The following ST8SIA4 variants were observed in gnomAD, a reference collection of about 807,000 sequenced individuals.
ST8SIA4 encodes the protein CMP-N-acetylneuraminate-poly-alpha-2,8-sialyltransferase.
A neutral mutation model predicts 33.9 loss-of-function variants in ST8SIA4; 15 were observed. The observed-to-expected ratio is 0.44, with a 90% CI of 0.30 to 0.68. ST8SIA4 has a LOEUF of 0.68. Among genes scored for constraint, ST8SIA4 ranks in the 30% least tolerant of loss-of-function variants. ST8SIA4 has a pLI of 0.10. For missense variants in ST8SIA4, 321 were observed against 428.0 expected (o/e 0.75, Z 2.21); for synonymous variants, 171 against 151.2 (o/e 1.13, Z -0.96).
intron 3 of ST8SIA4, among the ~76,000 whole-genome samples, chr5:100,866,025 C>T (rs543393031): frequency 6.6e-6 from 1 of 152,224 alleles, no homozygotes; most frequent in Admixed American, 6.5e-5. Context: ...AAGCTTGCCC[C>T]TTAAGCTTGA....
intron 4 of ST8SIA4, among the ~76,000 whole-genome samples, chr5:100,825,508 T>TAA (rs1751122108): frequency 6.6e-6 from 1 of 152,208 alleles, no homozygotes; most frequent in Admixed American, 6.5e-5. Flanking sequence ...AAGTGTTCAA[T>TAA]AATTAAGATT....
intron 2 of ST8SIA4, among the ~76,000 whole-genome samples, chr5:100,892,789 A>C (rs1752701750): frequency 6.6e-6 from 1 of 152,126 alleles, no homozygotes; most frequent in African/African-American, 2.4e-5. Flanking sequence ...TTGAACAATG[A>C]GAACACATGG....
intron 1 of ST8SIA4, chr5:100,900,575 TC>T (rs1349207961): frequency 1.8e-5 from 8 of 447,124 alleles, no homozygotes; most frequent in African/African-American, 1.6e-4. Flanking sequence ...CTCGCATTGT[TC>T]CTGGCAGCTC....
At chr5:100,869,546 A>T (rs1301050343) in intron 3 of ST8SIA4, among the ~76,000 whole-genome samples, 1 of 152,002 alleles carries the variant, frequency 6.6e-6, no homozygotes, top group Non-Finnish European at 1.5e-5. Flanking sequence ...TCTCTTTCAT[A>T]TATTTTATTT....
At chr5:100,864,682 ATTC>A (rs1752026319) in intron 3 of ST8SIA4, among the ~76,000 whole-genome samples, 1 of 150,188 alleles carries the variant, frequency 6.7e-6, no homozygotes, top group Non-Finnish European at 1.5e-5. Context: ...TTCATTACTT[ATTC>A]CCACTGCCAA....
At chr5:100,888,826 G>A (rs1752596348) in intron 2 of ST8SIA4, among the ~76,000 whole-genome samples, 1 of 151,840 alleles carries the variant, frequency 6.6e-6, no homozygotes, top group Admixed American at 6.6e-5. Flanking sequence ...AGAAAACCAA[G>A]TGATTGAAAA....
chr5:100,864,312 C>T lies in ST8SIA4; in HGVS notation c.504-7916G>A, dbSNP rs180980569. Reference sequence around the variant, plus strand: ...AAAGCGGGCCGGGTGCGGTGGCTCACGCCTGTAATCCCAGCACTTTGGGAG... The same window carrying T: ...AAAGCGGGCCGGGTGCGGTGGCTCATGCCTGTAATCCCAGCACTTTGGGAG... On this transcript the variant is annotated intron_variant, in intron 3 of 4. Transcript: ENST00000231461. 3.7e-3 allele frequency among the ~76,000 whole-genome samples: 558 copies of T among 152,120 alleles called. 2 individuals carry two copies. Among genetic ancestry groups the T allele is most frequent in the African/African-American group, 0.012 (507 of 41,502 alleles).
At position 100,811,989 on chromosome 5, in the gene ST8SIA4, T is replaced by A. The variant is rs1338504327; in HGVS notation, c.938A>T (p.Lys313Ile). 2 of 1,614,162 alleles carry A rather than the reference T, an allele frequency of 1.2e-6. No individual in the cohort carries two copies. Among genetic ancestry groups the A allele is most frequent in the Non-Finnish European group, 1.7e-6 (2 of 1,180,014 alleles). The change falls in exon 5 of 5, where the codon AAA (lysine) becomes ATA (isoleucine). Residue 313 changes from lysine (K) to isoleucine (I), a missense_variant. Lys to Ile is a moderately radical substitution (Grantham distance 102, BLOSUM62 -3). Transcript: ENST00000231461. ...TTTTAAGTCATCATAATAATGATAT[T>A]TGACCGCTTTTCCATTTAAATCCTT... is the stretch of plus-strand genomic sequence containing the variant. ...FPKDLNGKAV[K>I]YHYYDDLKYR...
At chr5:100,822,003 G>A (rs1165462294) in intron 4 of ST8SIA4, among the ~76,000 whole-genome samples, 2 of 152,294 alleles carry the variant, frequency 1.3e-5, no homozygotes, top group Non-Finnish European at 2.9e-5. Flanking sequence ...TTAAGACAAT[G>A]ACAAGGTGGC....
intron 4 of ST8SIA4, among the ~76,000 whole-genome samples, chr5:100,842,098 C>G (rs1214891231): frequency 1.3e-5 from 2 of 151,862 alleles, no homozygotes; most frequent in Non-Finnish European, 2.9e-5. Context: ...AAATATTTTA[C>G]TACTTCAATA....
intron 4 of ST8SIA4, among the ~76,000 whole-genome samples, chr5:100,852,564 A>C (rs936362584): frequency 7.9e-5 from 12 of 152,146 alleles, no homozygotes; most frequent in Admixed American, 7.9e-4. Flanking sequence ...CATTCTCTTA[A>C]ACTTGCAATT....
chr5:100,843,511 G>A (rs1315373054), intron 4 of ST8SIA4, among the ~76,000 whole-genome samples: 1 of 151,798 alleles, frequency 6.6e-6, no homozygotes, highest in Non-Finnish European at 1.5e-5. Flanking sequence ...GCTAGCATTC[G>A]ACTTGTATTC....
intron 4 of ST8SIA4, among the ~76,000 whole-genome samples, chr5:100,835,498 T>C (rs1751347897): frequency 6.6e-6 from 1 of 152,174 alleles, no homozygotes; most frequent in South Asian, 2.1e-4. Context: ...TATTGGAAAG[T>C]TAACTTCTTA....
chr5:100,896,676 A>G (rs1014425477), intron 1 of ST8SIA4, among the ~76,000 whole-genome samples: 1 of 152,190 alleles, frequency 6.6e-6, no homozygotes, highest in Non-Finnish European at 1.5e-5. Flanking sequence ...GAAACTTCAC[A>G]TTGTATCCCG....
chr5:100,877,310 T>C (rs1012047483), intron 3 of ST8SIA4, among the ~76,000 whole-genome samples: 3 of 152,176 alleles, frequency 2.0e-5, no homozygotes, highest in African/African-American at 7.2e-5. Flanking sequence ...ACCAGTTCAA[T>C]GTGGCTAGGA....
At chr5:100,834,984 T>A (rs1385638883) in intron 4 of ST8SIA4, among the ~76,000 whole-genome samples, 1 of 152,164 alleles carries the variant, frequency 6.6e-6, no homozygotes, top group African/African-American at 2.4e-5. Flanking sequence ...CTTCTTGGAT[T>A]ATTGTTTTTT....
In ST8SIA4 at chr5:100,902,989, C is replaced by A. The variant is rs1298164184; in HGVS notation, c.-34G>T. ...CCCGAGAAAGTCCTGGTTGCCCCAG[C>A]TCCCGCACCTTCTCTTGATATAAAG... On this transcript the variant is annotated 5_prime_UTR_variant, in exon 1 of 5. Transcript: ENST00000231461. 1.4e-6 allele frequency: 2 copies of A among 1,480,678 alleles called. No homozygotes were observed. Among genetic ancestry groups the A allele is most frequent in the Non-Finnish European group, 1.9e-6 (2 of 1,058,814 alleles). The allele number at this position is 1,480,678 out of a possible 1,614,324, so 91.7% of individuals were successfully genotyped here.
chr5:100,896,284 C>T (rs1752778487), intron 1 of ST8SIA4, among the ~76,000 whole-genome samples: 1 of 152,114 alleles, frequency 6.6e-6, no homozygotes, highest in African/African-American at 2.4e-5. Context: ...AGAGCAAAAT[C>T]CTGCCATTTG....
At chr5:100,864,419 A>T (rs1390725562) in intron 3 of ST8SIA4, among the ~76,000 whole-genome samples, 1 of 151,760 alleles carries the variant, frequency 6.6e-6, no homozygotes, top group African/African-American at 2.4e-5. Context: ...CTAAAAACAC[A>T]AAAAAATTAG....
Sources: allele counts gnomAD v4.1 joint callset (sites outside exome capture counted in the v4.1 genomes callset), GRCh38; gene constraint gnomAD v4.1.1; transcripts MANE v1.5; gene names NCBI Gene and HGNC (gene_info 2026-07-23, HGNC 2026-07-21).